PRRC2B: variants seen among roughly 807,000 people sequenced by gnomAD.
PRRC2B encodes the protein protein PRRC2B.
A neutral mutation model predicts 242.3 loss-of-function variants in PRRC2B; 68 were observed. That is an observed-to-expected ratio of 0.28 (90% CI 0.23 to 0.34). The LOEUF is 0.34. Among genes scored for constraint, PRRC2B ranks in the 10% least tolerant of loss-of-function variants. The pLI, the probability that PRRC2B is intolerant of heterozygous loss-of-function variation, is 1.00. For missense variants in PRRC2B, 2,835 were observed against 2,954.8 expected, an observed-to-expected ratio of 0.96 and a Z score of 0.94; for synonymous variants, 1,228 against 1,173.6, an observed-to-expected ratio of 1.05 and a Z score of -0.95.
At chr9:131,428,726 G>C (rs1014700979) in intron 1 of PRRC2B, among the ~76,000 whole-genome samples, 8 of 151,968 alleles carry the variant, frequency 5.3e-5, no homozygotes, top group African/African-American at 1.9e-4. Context: ...ACAGTGTCTT[G>C]CTGTGTTGAC....
At chr9:131,461,888 C>T (rs1241257861) in intron 11 of PRRC2B, among the ~76,000 whole-genome samples, 1 of 152,204 alleles carries the variant, frequency 6.6e-6, no homozygotes. Context: ...TGCCCCTCAG[C>T]TACAGTCTTC....
chr9:131,395,309 C>CT (rs1465450635), intron 1 of PRRC2B, among the ~76,000 whole-genome samples: 1 of 151,924 alleles, frequency 6.6e-6, no homozygotes, highest in Non-Finnish European at 1.5e-5. Context: ...TTTGATGTGG[C>CT]TTTGTACAGT....
intron 19 of PRRC2B, 29 bp downstream of exon 19, chr9:131,479,422 T>TGGC: frequency 6.2e-7 from 1 of 1,606,642 alleles, no homozygotes; most frequent in Non-Finnish European, 8.5e-7. Flanking sequence ...ACCCCAGCTG[T>TGGC]GGCACCCAAG....
chr9:131,492,990 G>A (rs184926602), intron 30 of PRRC2B, among the ~76,000 whole-genome samples: 247 of 152,334 alleles, frequency 1.6e-3, no homozygotes, highest in Non-Finnish European at 2.9e-3. Flanking sequence ...AGACCTGCCT[G>A]ACCCATGGTG....
intron 1 of PRRC2B, among the ~76,000 whole-genome samples, chr9:131,414,369 A>G (rs1466776494): frequency 5.3e-5 from 3 of 56,106 alleles, no homozygotes; most frequent in South Asian, 2.2e-3. Context: ...AGCAGTAACC[A>G]AAGTAGAAAA....
chr9:131,477,524 TC>T (rs1387558862), intron 16 of PRRC2B, among the ~76,000 whole-genome samples: 1 of 152,120 alleles, frequency 6.6e-6, no homozygotes, highest in Non-Finnish European at 1.5e-5. Flanking sequence ...GGAGCCACTT[TC>T]CCCAGGAGCA....
chr9:131,487,748 G>A lies in PRRC2B; in HGVS notation c.5985-108G>A, dbSNP rs71503104. The A allele has an allele frequency of 6.2e-3, 8,867 of 1,438,066 alleles. 44 individuals are homozygous for A. Among genetic ancestry groups the A allele is most frequent in the Non-Finnish European group, 6.9e-3 (7,394 of 1,071,694 alleles). The allele number at this position is 1,438,066 out of a possible 1,614,324, so 89.1% of individuals were successfully genotyped here. A position where few individuals can be genotyped will look rare whatever the true frequency, so the allele number is the denominator to read the frequency against. On this transcript the variant is annotated intron_variant, in intron 27 of 31. Coordinates refer to ENST00000683519, the MANE Select transcript of PRRC2B (RefSeq NM_013318.4). The surrounding 1 kb of genome is among the most constrained non-coding windows in gnomAD (Gnocchi z 5.3). ...CTCTGAGTCGCGCTCTGGGGGTGGG[G>A]CCGGGGATCTGTGGTTTAGCAAGCT... is the stretch of plus-strand genomic sequence containing the variant.
At position 131,494,644 on chromosome 9, in the gene PRRC2B, G is replaced by C. The variant is rs559131901; in HGVS notation, c.6555+158G>C. ...CAGAACCGGGAGCTGGGCCGCCCGC[G>C]TCCCTCCTGGCGAAGGCATTTCTCC... On this transcript the variant is annotated intron_variant, in intron 31 of 31. Transcript: ENST00000683519. This position sits in a 1 kb window ranked among gnomAD's most constrained non-coding sequence, Gnocchi z 4.3. Among the ~76,000 whole-genome samples the C allele has an allele frequency of 6.6e-6, 1 of 152,222 alleles. No homozygotes were observed. The highest frequency in any genetic ancestry group is 2.4e-5 in the African/African-American group (1 of 41,464).
At chr9:131,459,625 C>A (rs924314979) in intron 11 of PRRC2B, among the ~76,000 whole-genome samples, 6 of 151,820 alleles carry the variant, frequency 4.0e-5, no homozygotes, top group African/African-American at 1.4e-4. Context: ...CTCTATCCTT[C>A]ACCTCCCACC....
chr9:131,442,562 C>T (rs1343374692), intron 5 of PRRC2B, among the ~76,000 whole-genome samples: 2 of 152,132 alleles, frequency 1.3e-5, no homozygotes, highest in Non-Finnish European at 2.9e-5. Flanking sequence ...GAGTGGCAAG[C>T]GAATTGCTGC....
At chr9:131,476,592 C>G (rs1405721506) in intron 16 of PRRC2B, 57 bp downstream of exon 16, 1 of 1,491,436 alleles carries the variant, frequency 6.7e-7, no homozygotes, top group Non-Finnish European at 9.0e-7. Context: ...CTCAGCAGCA[C>G]TGAGTTCACG....
chr9:131,478,651 T>TGGGCCCG, intron 18 of PRRC2B, 32 bp downstream of exon 18: 17 of 475,294 alleles, frequency 3.6e-5, no homozygotes, highest in Non-Finnish European at 3.4e-5. Flanking sequence ...GGCATGGGGC[T>TGGGCCCG]GGAGGGCAGG....
rs1944043335 is a variant in PRRC2B, at chr9:131,487,048, A to AC, written c.5857-119_5857-118insC. The AC allele has an allele frequency of 2.4e-6, 2 of 846,042 alleles. No homozygotes were observed. The highest frequency in any genetic ancestry group is 3.8e-6 in the Non-Finnish European group (2 of 522,066). The allele number at this position is 846,042 out of a possible 1,614,324, so 52.4% of individuals were successfully genotyped here. On this transcript the variant is annotated intron_variant, in intron 26 of 31. Coordinates refer to ENST00000683519, the MANE Select transcript of PRRC2B (RefSeq NM_013318.4). The surrounding 1 kb of genome is among the most constrained non-coding windows in gnomAD (Gnocchi z 5.3). ...GGAAGCCCAGGAATGACATGCTGGCATTTGAATTTTGGGCAGTGTTCCAGC... is the reference window on the plus strand; with the variant it reads ...GGAAGCCCAGGAATGACATGCTGGCACTTTGAATTTTGGGCAGTGTTCCAGC...
chr9:131,474,828 C>A lies in PRRC2B; in HGVS notation c.2699C>A (p.Ser900Tyr). 3.7e-6 allele frequency: 6 copies of A among 1,611,616 alleles called. No homozygotes were observed. Among genetic ancestry groups the A allele is most frequent in the Non-Finnish European group, 5.1e-6 (6 of 1,179,464 alleles). ...CGGGAGGGGACGGCCTTTAACATCT[C>A]CTCCTGGGACAAGAACGGGAGCCCC... Reference protein sequence around the residue: ...TPREGTAFNISSWDKNGSPNK... With the variant: ...TPREGTAFNIYSWDKNGSPNK... Residue 900 changes from serine (S) to tyrosine (Y), a missense_variant, in exon 16 of 32, where the codon TCC becomes TAC. Coordinates refer to ENST00000683519, the MANE Select transcript of PRRC2B (RefSeq NM_013318.4).
At chr9:131,394,973 T>C (rs1005887454) in intron 1 of PRRC2B, among the ~76,000 whole-genome samples, 29 of 149,092 alleles carry the variant, frequency 1.9e-4, no homozygotes, top group Non-Finnish European at 3.9e-4. Flanking sequence ...TTTTTTTTTT[T>C]CCTCCTCTTT....
intron 1 of PRRC2B, among the ~76,000 whole-genome samples, chr9:131,420,465 C>CT (rs1277374165): frequency 2.3e-4 from 2 of 8,886 alleles, no homozygotes; most frequent in Non-Finnish European, 3.7e-4. Context: ...TTCTTTCTTT[C>CT]TTTCTTTCTT....
intron 1 of PRRC2B, among the ~76,000 whole-genome samples, chr9:131,394,649 C>T (rs1309262059): frequency 1.3e-5 from 2 of 151,214 alleles, no homozygotes; most frequent in African/African-American, 2.4e-5. Flanking sequence ...GCAGCCGGGT[C>T]TCGGGGTTCT....
At chr9:131,426,337 C>CAAAA in intron 1 of PRRC2B, among the ~76,000 whole-genome samples, 1 of 84,462 alleles carries the variant, frequency 1.2e-5, no homozygotes, top group Middle Eastern at 5.2e-3. Context: ...AACTCTGTCT[C>CAAAA]AAAAAAAAAA....
Position 131,470,873 on chromosome 9 carries a change from A to C in PRRC2B, c.1997A>C (p.Gln666Pro), listed in dbSNP as rs1473259350. The C allele has an allele frequency of 7.4e-7, 1 of 1,346,810 alleles. No homozygotes were observed. Among genetic ancestry groups the C allele is most frequent in the Non-Finnish European group, 1.0e-6 (1 of 998,908 alleles). The allele number at this position is 1,346,810 out of a possible 1,614,324, so 83.4% of individuals were successfully genotyped here. ...CGCACCTTTTACCCACACCACCCCC[A>C]GATGTTGGGCTTCGATCCCAGGTGG... ...PQRTFYPHHPQMLGFDPRWMM... is the reference protein window; with the variant it reads ...PQRTFYPHHPPMLGFDPRWMM... The change falls in exon 14 of 32, where the codon CAG (glutamine) becomes CCG (proline). Residue 666 changes from glutamine (Q) to proline (P), a missense_variant. Around this residue, in one of 7 missense-constraint regions of PRRC2B, gnomAD observed 1,536 missense variants for 1,483.1 expected, o/e 1.04. Coordinates refer to ENST00000683519, the MANE Select transcript of PRRC2B (RefSeq NM_013318.4).
Sources: gnomAD v4.1 joint callset for allele counts (sites outside exome capture counted in the v4.1 genomes callset) on GRCh38, gnomAD v4.1.1 for gene constraint, gnomAD v4.1.1 regional missense constraint, Gnocchi (gnomAD v3.1) non-coding constraint, MANE v1.5 for transcripts, NCBI Gene and HGNC (gene_info 2026-07-23, HGNC 2026-07-21) for gene names.